The following CACNA1I variants were observed in gnomAD, a reference collection of about 807,000 sequenced individuals.
The protein encoded by CACNA1I is voltage-dependent T-type calcium channel subunit alpha-1I.
CACNA1I carries 74 observed loss-of-function variants against 201.6 expected under a neutral mutation model. The ratio of observed to expected loss-of-function variants is 0.37; its 90% confidence interval spans 0.30 to 0.45. The LOEUF (loss-of-function observed/expected upper bound fraction) is 0.45. Among genes scored for constraint, CACNA1I ranks in the 20% least tolerant of loss-of-function variants. The probability of loss-of-function intolerance (pLI) is 1.00; values close to 1 mark genes in which losing one functional copy is unlikely to be tolerated. For missense variants in CACNA1I, 2,346 were observed against 3,138.1 expected, an observed-to-expected ratio of 0.75 and a Z score of 6.03; for synonymous variants, 1,431 against 1,345.2, an observed-to-expected ratio of 1.06 and a Z score of -1.40.
chr22:39,582,934 A>G (rs1932605566), intron 1 of CACNA1I, among the ~76,000 whole-genome samples: 1 of 148,606 alleles, frequency 6.7e-6, no homozygotes, highest in Non-Finnish European at 1.5e-5. Context: ...CCATCCATCC[A>G]TCCAAGCATC....
intron 35 of CACNA1I, among the ~76,000 whole-genome samples, chr22:39,683,640 C>T (rs1935765303): frequency 1.3e-5 from 2 of 152,172 alleles, no homozygotes; most frequent in South Asian, 2.1e-4. Flanking sequence ...TACATTTTTC[C>T]ATTATCTCAC....
At chr22:39,631,060 TG>T (rs1934049814) in intron 4 of CACNA1I, among the ~76,000 whole-genome samples, 1 of 152,180 alleles carries the variant, frequency 6.6e-6, no homozygotes, top group African/African-American at 2.4e-5. Flanking sequence ...CACTTTCCCA[TG>T]GGGCGTATGG....
chr22:39,610,483 C>A (rs2146382109), intron 3 of CACNA1I, among the ~76,000 whole-genome samples: 1 of 152,120 alleles, frequency 6.6e-6, no homozygotes, highest in South Asian at 2.1e-4. Flanking sequence ...AGGCTCGTTT[C>A]CATGGAAACA....
intron 10 of CACNA1I, among the ~76,000 whole-genome samples, chr22:39,657,146 C>T (rs6001642): frequency 0.012 from 1,854 of 152,342 alleles, 36 homozygotes; most frequent in African/African-American, 0.041. Flanking sequence ...CCTCCAACTT[C>T]CCCCACTGCC....
At chr22:39,603,184 A>G (rs1208631517) in intron 3 of CACNA1I, among the ~76,000 whole-genome samples, 1 of 151,308 alleles carries the variant, frequency 6.6e-6, no homozygotes, top group African/African-American at 2.4e-5. Flanking sequence ...GCTTTCCATC[A>G]TCTCAGAAGA....
intron 3 of CACNA1I, among the ~76,000 whole-genome samples, chr22:39,612,525 C>T (rs768024923): frequency 1.3e-5 from 2 of 152,164 alleles, no homozygotes; most frequent in African/African-American, 4.8e-5. Flanking sequence ...GTGGGGGCCA[C>T]TTCCTCATAG....
chr22:39,575,861 G>T (rs1932329047), intron 1 of CACNA1I, among the ~76,000 whole-genome samples: 1 of 151,430 alleles, frequency 6.6e-6, no homozygotes, highest in African/African-American at 2.4e-5. Flanking sequence ...TGCAACCTCT[G>T]CCTCCTGGGT....
chr22:39,623,990 G>A (rs754160674), intron 4 of CACNA1I, among the ~76,000 whole-genome samples: 28 of 148,240 alleles, frequency 1.9e-4, no homozygotes, highest in Non-Finnish European at 3.3e-4. Flanking sequence ...GTGTGTGTGC[G>A]CCTCTGAACG....
Position 39,677,978 on chromosome 22 carries a change from C to G in CACNA1I, c.4934-9C>G. The G allele has an allele frequency of 6.3e-7, 1 of 1,581,006 alleles. No homozygotes were observed. The highest frequency in any genetic ancestry group is 8.6e-7 in the Non-Finnish European group (1 of 1,164,428). On this transcript the variant is annotated splice_polypyrimidine_tract_variant and intron_variant, in intron 30 of 36. Coordinates refer to ENST00000402142, the MANE Select transcript of CACNA1I (RefSeq NM_021096.4). This position sits in a 1 kb window ranked among gnomAD's most constrained non-coding sequence, Gnocchi z 4.8. The stretch of plus-strand genomic sequence containing the variant: ...CATCGGGCAGGGCTGACCTCCTCCC[C>G]GCTTCCAGTCTGCAACGACGAGAAC...
In CACNA1I at chr22:39,676,766, G is replaced by T. The variant is rs537611675; in HGVS notation, c.4855-575G>T. 2.5e-4 allele frequency among the ~76,000 whole-genome samples: 38 copies of T among 152,310 alleles called. No homozygotes were observed. The highest frequency in any genetic ancestry group is 9.1e-4 in the African/African-American group (38 of 41,572). ...CTGCTCTTGAAGATTTCCCAGACCA[G>T]CAGATGACAGTGACAGGGATAAGTG... is the stretch of plus-strand genomic sequence containing the variant. On this transcript the variant is annotated intron_variant, in intron 29 of 36. Coordinates refer to ENST00000402142, the MANE Select transcript of CACNA1I (RefSeq NM_021096.4). This position sits in a 1 kb window ranked among gnomAD's most constrained non-coding sequence, Gnocchi z 4.8.
rs1024871131 is a variant in CACNA1I, at chr22:39,646,639, G to A, written c.1220G>A (p.Arg407Gln). ...IATQFSETKQREHRLMLEQRQ... is the reference protein window; with the variant it reads ...IATQFSETKQQEHRLMLEQRQ... The stretch of plus-strand genomic sequence containing the variant: ...ACCCAGTTCTCGGAGACCAAGCAAC[G>A]GGAGCACCGGCTGATGCTGGAGCAG... Residue 407 changes from arginine to glutamine, a missense_variant, in exon 8 of 37, where the codon CGG (arginine) becomes CAG (glutamine). Around this residue, in one of 13 missense-constraint regions of CACNA1I, gnomAD observed 227 missense variants for 412.5 expected, o/e 0.55. Transcript: ENST00000402142. 2 of 1,573,650 alleles carry A rather than the reference G, an allele frequency of 1.3e-6. No homozygotes were observed. Among genetic ancestry groups the A allele is most frequent in the Non-Finnish European group, 1.7e-6 (2 of 1,159,966 alleles).
At chr22:39,616,134 C>T (rs1454156391) in intron 3 of CACNA1I, among the ~76,000 whole-genome samples, 1 of 152,194 alleles carries the variant, frequency 6.6e-6, no homozygotes, top group East Asian at 1.9e-4. Context: ...AGGAAAGGGG[C>T]TGGGCCAATG....
Position 39,662,781 on chromosome 22 carries a change from GTGC to G in CACNA1I, c.3380_3382del (p.Cys1127del). The G allele has an allele frequency of 6.3e-7, 1 of 1,582,100 alleles. No individual in the cohort carries two copies. Among genetic ancestry groups the G allele is most frequent in the Non-Finnish European group, 8.6e-7 (1 of 1,164,210 alleles). On this transcript the variant is annotated inframe_deletion, in exon 18 of 37. Transcript: ENST00000402142. ...CTCCGTCCTCCTCTTGCTAGACCCT[GTGC>G]TTCCGCGTCCGCAAGATGATCGACG...
intron 1 of CACNA1I, among the ~76,000 whole-genome samples, chr22:39,578,018 GTGTACAC>G: frequency 3.8e-5 from 1 of 26,516 alleles, no homozygotes; most frequent in South Asian, 9.9e-4. Flanking sequence ...TGGCAGCTGT[GTGTACAC>G]TGGAGCTGAC....
Position 39,662,442 on chromosome 22 carries a change from G to T in CACNA1I, c.3372+7G>T, listed in dbSNP as rs1001018168. The T allele has an allele frequency of 1.4e-6, 2 of 1,429,658 alleles. No individual in the cohort carries two copies. The highest frequency in any genetic ancestry group is 3.0e-5 in the South Asian group (2 of 67,286). The allele number at this position is 1,429,658 out of a possible 1,614,324, so 88.6% of individuals were successfully genotyped here. A position where few individuals can be genotyped will look rare whatever the true frequency, so the allele number is the denominator to read the frequency against. On this transcript the variant is annotated splice_region_variant and intron_variant, in intron 17 of 36. Coordinates refer to ENST00000402142, the MANE Select transcript of CACNA1I (RefSeq NM_021096.4). ...TGAGGAGGAAATCGACTACGTGAGT[G>T]GGGGCGGGGCCGAAGGGGACCTGGT...
chr22:39,660,542 G>A, intron 15 of CACNA1I, 105 bp downstream of exon 15: 1 of 666,296 alleles, frequency 1.5e-6, no homozygotes, highest in Admixed American at 3.0e-5. Flanking sequence ...CAGGCTCAGG[G>A]ACTGCTACTT....
Position 39,684,234 on chromosome 22 carries a change from C to T in CACNA1I, c.5831-68C>T, listed in dbSNP as rs904164796. 2.5e-5 allele frequency: 35 copies of T among 1,424,302 alleles called. No individual in the cohort carries two copies. The African/African-American group carries it at 4.4e-4, about 18-fold the overall frequency. 88.2% of individuals were successfully genotyped at this position (1,424,302 alleles called of 1,614,324 possible). ...GGCCCAGTGAGATTGGTGCTCAATGCCACCTTCCAGGGGCTGCCCCCTGGC... is the reference window on the plus strand; with the variant it reads ...GGCCCAGTGAGATTGGTGCTCAATGTCACCTTCCAGGGGCTGCCCCCTGGC... On this transcript the variant is annotated intron_variant, in intron 35 of 36. Transcript: ENST00000402142. This position sits in a 1 kb window ranked among gnomAD's most constrained non-coding sequence, Gnocchi z 4.6.
rs773770982 is a variant in CACNA1I, at chr22:39,647,938, C to T, written c.1567+12C>T. 1 of 1,611,348 alleles carries T rather than the reference C, an allele frequency of 6.2e-7. No homozygotes were observed. The highest frequency in any genetic ancestry group is 8.5e-7 in the Non-Finnish European group (1 of 1,178,626). The stretch of plus-strand genomic sequence containing the variant: ...TCACTCGGGAAGAGGCAAGCCAGGG[C>T]CACGGGAGGTGGGCCCTGCCCCCAG... On this transcript the variant is annotated intron_variant, in intron 9 of 36. Coordinates refer to ENST00000402142, the MANE Select transcript of CACNA1I (RefSeq NM_021096.4).
intron 1 of CACNA1I, among the ~76,000 whole-genome samples, chr22:39,572,077 G>A (rs993414755): frequency 6.6e-6 from 1 of 152,192 alleles, no homozygotes; most frequent in African/African-American, 2.4e-5. Context: ...GAGGAGTGAG[G>A]TGAGGCTGCA....
Sources: gnomAD v4.1 joint callset for allele counts (sites outside exome capture counted in the v4.1 genomes callset) on GRCh38, gnomAD v4.1.1 for gene constraint, gnomAD v4.1.1 regional missense constraint, Gnocchi (gnomAD v3.1) non-coding constraint, MANE v1.5 for transcripts, NCBI Gene and HGNC (gene_info 2026-07-23, HGNC 2026-07-21) for gene names.